Variants in BCR observed in about 807,000 individuals in gnomAD.
BCR encodes the protein BCR activator of RhoGEF and GTPase.
In BCR, 58 loss-of-function variants were observed where a neutral mutation model predicts 138.6. The ratio of observed to expected loss-of-function variants is 0.42; its 90% confidence interval spans 0.34 to 0.52. The LOEUF (loss-of-function observed/expected upper bound fraction) is 0.52, where lower values mean the gene tolerates loss of function less well. Ranked by LOEUF, BCR falls within the 20% of genes least tolerant of loss-of-function variation. The probability of loss-of-function intolerance (pLI) is 0.06; values close to 1 mark genes in which losing one functional copy is unlikely to be tolerated. For missense variants in BCR, 1,599 were observed against 1,727.2 expected, an observed-to-expected ratio of 0.93 and a Z score of 1.32; for synonymous variants, 786 against 730.1, an observed-to-expected ratio of 1.08 and a Z score of -1.23.
chr22:23,273,626 T>C lies in BCR; in HGVS notation c.1975-8T>C. 6.2e-7 allele frequency: 1 copy of C among 1,613,496 alleles called. No homozygotes were observed. The highest frequency in any genetic ancestry group is 1.1e-5 in the South Asian group (1 of 91,084). Reference sequence around the variant, plus strand: ...TGTGTCTAACTCAAGTCTTTCTTCCTGGGGCAGGACTTGCTGAAGCACACT... The same window carrying C: ...TGTGTCTAACTCAAGTCTTTCTTCCCGGGGCAGGACTTGCTGAAGCACACT... On this transcript the variant is annotated splice_polypyrimidine_tract_variant and splice_region_variant and intron_variant, in intron 7 of 22. Coordinates refer to ENST00000305877, the MANE Select transcript of BCR (RefSeq NM_004327.4).
chr22:23,290,408 G>A lies in BCR; in HGVS notation c.2777G>A (p.Ser926Asn). 3 of 1,613,996 alleles carry A rather than the reference G, an allele frequency of 1.9e-6. No individual in the cohort carries two copies. The highest frequency in any genetic ancestry group is 2.5e-6 in the Non-Finnish European group (3 of 1,179,834). ...CACTCAGCCACTGGATTTAAGCAGA[G>A]TTCAAGTAAGTACTGGTTTGGGGAG... ...IVHSATGFKQ[S>N]SNLYCTLEVD... Residue 926 changes from serine to asparagine, a missense_variant, in exon 14 of 23, where the codon AGT becomes AAT. By Grantham distance (46) the Ser-to-Asn change is conservative (BLOSUM62 1). Transcript: ENST00000305877.
chr22:23,194,433 TG>T (rs1375791709), intron 1 of BCR, among the ~76,000 whole-genome samples: 1 of 150,976 alleles, frequency 6.6e-6, no homozygotes, highest in African/African-American at 2.4e-5. Flanking sequence ...TTCTTTGAGA[TG>T]GGGTCTCGCT....
intron 4 of BCR, chr22:23,263,909 G>T (rs529921843): frequency 1.3e-5 from 12 of 941,164 alleles, no homozygotes; most frequent in Non-Finnish European, 2.1e-5. Flanking sequence ...TGACAGGGAC[G>T]GCTTGTTGTG....
intron 16 of BCR, among the ~76,000 whole-genome samples, chr22:23,298,223 C>T (rs2073866819): frequency 1.3e-5 from 2 of 152,112 alleles, no homozygotes; most frequent in African/African-American, 4.8e-5. Context: ...GTGAAACCGA[C>T]CCGACAGGAT....
At chr22:23,220,035 CAT>C (rs1344359005) in intron 1 of BCR, among the ~76,000 whole-genome samples, 3 of 152,176 alleles carry the variant, frequency 2.0e-5, no homozygotes, top group Non-Finnish European at 2.9e-5. Context: ...TGGCTGGTGT[CAT>C]GTGTGGCTGC....
chr22:23,270,772 G>A (rs1333330801), intron 5 of BCR, among the ~76,000 whole-genome samples: 1 of 152,234 alleles, frequency 6.6e-6, no homozygotes, highest in Non-Finnish European at 1.5e-5. Context: ...CCTTCCCAGA[G>A]GATTTTAGGC....
chr22:23,247,619 C>G (rs1415799097), intron 1 of BCR, among the ~76,000 whole-genome samples: 1 of 152,172 alleles, frequency 6.6e-6, no homozygotes. Context: ...GGCAGCCACA[C>G]CACGGATGGA....
chr22:23,195,756 C>T (rs997483991), intron 1 of BCR, among the ~76,000 whole-genome samples: 1 of 151,344 alleles, frequency 6.6e-6, no homozygotes, highest in African/African-American at 2.4e-5. Flanking sequence ...GGCATTGTGG[C>T]AGGCGCCTGT....
At chr22:23,197,175 C>T (rs1569241034) in intron 1 of BCR, among the ~76,000 whole-genome samples, 1 of 152,174 alleles carries the variant, frequency 6.6e-6, no homozygotes, top group Non-Finnish European at 1.5e-5. Flanking sequence ...GAAACAGATA[C>T]CACTGTGTCA....
chr22:23,271,705 C>T, intron 6 of BCR, 113 bp downstream of exon 6: 2 of 984,408 alleles, frequency 2.0e-6, no homozygotes, highest in Non-Finnish European at 3.1e-6. Context: ...CCCTTGGTGC[C>T]TTCCCTGTTC....
At chr22:23,313,187 C>T (rs572604833) in intron 20 of BCR, among the ~76,000 whole-genome samples, 166 bp downstream of exon 20, 2 of 152,332 alleles carry the variant, frequency 1.3e-5, no homozygotes, top group South Asian at 4.1e-4. Flanking sequence ...CGAGCCTGTC[C>T]TGGAAGGCCT....
At chr22:23,282,919 AC>A (rs1199693297) in intron 8 of BCR, among the ~76,000 whole-genome samples, 2 of 151,984 alleles carry the variant, frequency 1.3e-5, no homozygotes, top group Non-Finnish European at 2.9e-5. Flanking sequence ...TGTGAATGTT[AC>A]CCCTCTCTTT....
chr22:23,275,483 G>A (rs987557454), intron 8 of BCR, among the ~76,000 whole-genome samples: 2 of 152,226 alleles, frequency 1.3e-5, no homozygotes, highest in Admixed American at 6.5e-5. Context: ...CATTGAAGGC[G>A]GAAGTGGGTC....
intron 1 of BCR, among the ~76,000 whole-genome samples, chr22:23,203,118 T>A (rs993890369): frequency 1.3e-5 from 2 of 152,204 alleles, no homozygotes; most frequent in South Asian, 2.1e-4. Context: ...CCTTGGCTTC[T>A]CCTGAAGTGC....
intron 5 of BCR, among the ~76,000 whole-genome samples, chr22:23,268,729 C>T (rs1425296940): frequency 2.0e-5 from 3 of 152,184 alleles, no homozygotes; most frequent in Admixed American, 6.5e-5. Flanking sequence ...TCCCCGGGGG[C>T]GAGGGCCTGA....
intron 1 of BCR, among the ~76,000 whole-genome samples, chr22:23,223,119 C>T (rs1372076622): frequency 2.6e-5 from 4 of 152,174 alleles, no homozygotes; most frequent in African/African-American, 9.7e-5. Context: ...CCAGCAGCCC[C>T]ACCTCTTAGT....
In BCR at chr22:23,309,447, C is replaced by A; in HGVS notation, c.3036C>A (p.Asp1012Glu). 1 of 1,604,124 alleles carries A rather than the reference C, an allele frequency of 6.2e-7. No individual in the cohort carries two copies. The highest frequency in any genetic ancestry group is 8.5e-7 in the Non-Finnish European group (1 of 1,175,148). The change falls in exon 17 of 23, where the codon GAC becomes GAA. Residue 1012 changes from aspartate (D) to glutamate (E), a missense_variant. Physicochemically the swap from Asp to Glu is conservative, Grantham distance 45. Around this residue, in one of 4 missense-constraint regions of BCR, gnomAD observed 590 missense variants for 762.4 expected, o/e 0.77. Coordinates refer to ENST00000305877, the MANE Select transcript of BCR (RefSeq NM_004327.4). ...QVQLDPQALQ[D>E]RDWQRTVIAM... is the part of the protein sequence containing the mutation. The stretch of plus-strand genomic sequence containing the variant: ...AGCTGGACCCGCAGGCCCTGCAGGA[C>A]AGAGACTGGCAGCGCACCGTCATCG...
intron 1 of BCR, among the ~76,000 whole-genome samples, chr22:23,189,218 A>AT (rs2072384022): frequency 6.6e-6 from 1 of 152,154 alleles, no homozygotes; most frequent in Admixed American, 6.6e-5. Context: ...GTTCAGTGGC[A>AT]TTAAGTACAT....
intron 1 of BCR, among the ~76,000 whole-genome samples, chr22:23,212,016 A>C (rs1169717879): frequency 6.6e-6 from 1 of 152,082 alleles, no homozygotes; most frequent in East Asian, 1.9e-4. Flanking sequence ...GGGTCCTGCC[A>C]GCCCTACCCT....
Sources: gnomAD v4.1 joint callset for allele counts (sites outside exome capture counted in the v4.1 genomes callset) on GRCh38, gnomAD v4.1.1 for gene constraint, gnomAD v4.1.1 regional missense constraint, MANE v1.5 for transcripts, NCBI Gene and HGNC (gene_info 2026-07-23, HGNC 2026-07-21) for gene names.